The following KATNB1 variants were observed in gnomAD, a reference collection of about 807,000 sequenced individuals.
The protein encoded by KATNB1 is katanin regulatory subunit B1.
Under a neutral mutation model 82.3 loss-of-function variants are expected in KATNB1, and 38 were observed. The ratio of observed to expected loss-of-function variants is 0.46; its 90% CI spans 0.36 to 0.61. The LOEUF (loss-of-function observed/expected upper bound fraction) is 0.61, where lower values mean the gene tolerates loss of function less well. Ranked by LOEUF, KATNB1 falls within the 20% of genes least tolerant of loss-of-function variation. KATNB1 has a pLI of 0.00. For missense variants in KATNB1, 749 were observed against 915.7 expected (o/e 0.82, Z 2.35); for synonymous variants, 361 against 368.7 (o/e 0.98, Z 0.24).
chr16:57,740,707 G>A (rs1024722322), intron 2 of KATNB1, among the ~76,000 whole-genome samples: 4 of 152,176 alleles, frequency 2.6e-5, no homozygotes, highest in East Asian at 1.9e-4. Context: ...GGAGTCCTCC[G>A]AGGCTCCTGT....
intron 2 of KATNB1, among the ~76,000 whole-genome samples, chr16:57,737,730 G>A (rs1366702241): frequency 2.0e-5 from 3 of 152,104 alleles, no homozygotes; most frequent in Non-Finnish European, 4.4e-5. Context: ...GAGGAGGGGC[G>A]GGCAGAGGGA....
At position 57,755,257 on chromosome 16, in the gene KATNB1, C is replaced by A. The variant is rs782816760; in HGVS notation, c.1416+19C>A. On this transcript the variant is annotated intron_variant, in intron 15 of 19. Coordinates refer to ENST00000379661, the MANE Select transcript of KATNB1 (RefSeq NM_005886.3). ...CCTGCCCGTGAGTAGGAGCCCAGCT[C>A]GAGGCATGGGTGGAGGTCTGTGGGT... 1 of 1,610,428 alleles carries A rather than the reference C, an allele frequency of 6.2e-7. No homozygotes were observed. The highest frequency in any genetic ancestry group is 1.7e-5 in the Admixed American group (1 of 59,996).
chr16:57,755,026 G>A, intron 14 of KATNB1, 29 bp downstream of exon 14: 1 of 1,613,844 alleles, frequency 6.2e-7, no homozygotes, highest in Non-Finnish European at 8.5e-7. Context: ...CATGGTGTGG[G>A]GCCTAGAGAA....
In KATNB1 at chr16:57,752,514, T is replaced by A. The variant is rs2049236591; in HGVS notation, c.633-16T>A. 6.4e-7 allele frequency: 1 copy of A among 1,557,652 alleles called. No individual in the cohort carries two copies. Among genetic ancestry groups the A allele is most frequent in the African/African-American group, 1.4e-5 (1 of 73,984 alleles). ...TGAGGGATAGGCTTCGCAGCACAGC[T>A]TGGCTGCCTTTGCAGGACAATCCGC... On this transcript the variant is annotated splice_polypyrimidine_tract_variant and intron_variant, in intron 8 of 19. Coordinates refer to ENST00000379661, the MANE Select transcript of KATNB1 (RefSeq NM_005886.3).
rs1227587687 is a variant in KATNB1 at position 57,751,906 on chromosome 16, G to C, written c.517-34G>C. 1 of 1,553,910 alleles carries C rather than the reference G, an allele frequency of 6.4e-7. No homozygotes were observed. The highest frequency in any genetic ancestry group is 1.7e-5 in the Admixed American group (1 of 59,382). ...GGGAGGGTGGGCAGCCAAGATGCCT[G>C]GTCACCCTGACCTCCTCCCTGCCCT... is the stretch of plus-strand genomic sequence containing the variant. On this transcript the variant is annotated intron_variant, in intron 7 of 19. Transcript: ENST00000379661. This position sits in a 1 kb window ranked among gnomAD's most constrained non-coding sequence, Gnocchi z 6.3.
chr16:57,747,034 A>G (rs111812046), intron 4 of KATNB1, among the ~76,000 whole-genome samples: 26 of 151,412 alleles, frequency 1.7e-4, no homozygotes, highest in African/African-American at 4.4e-4. Flanking sequence ...GGCACGGACC[A>G]CCATGTCCCG....
rs184596776 is a variant in KATNB1 at position 57,751,574 on chromosome 16, G to C, written c.433-67G>C. 175 of 1,417,340 alleles carry C rather than the reference G, an allele frequency of 1.2e-4. 1 individual carries two copies. Among genetic ancestry groups the C allele is most frequent in the African/African-American group, 1.1e-3 (76 of 71,286 alleles). The allele number at this position is 1,417,340 out of a possible 1,614,324, so 87.8% of individuals were successfully genotyped here. A position where few individuals can be genotyped will look rare whatever the true frequency, so the allele number is the denominator to read the frequency against. ...TAGATGGAAGGGGTCCCATAGGAGT[G>C]AGGAGGCAGGGAGAGGTCTGTTGGG... On this transcript the variant is annotated intron_variant, in intron 6 of 19. Coordinates refer to ENST00000379661, the MANE Select transcript of KATNB1 (RefSeq NM_005886.3). This position sits in a 1 kb window ranked among gnomAD's most constrained non-coding sequence, Gnocchi z 6.3.
intron 2 of KATNB1, among the ~76,000 whole-genome samples, chr16:57,739,294 G>A (rs935657040): frequency 8.6e-4 from 131 of 152,212 alleles, no homozygotes; most frequent in Non-Finnish European, 1.5e-3. Flanking sequence ...CCAGGGCCAC[G>A]TGACCTCTGG....
At chr16:57,746,292 T>C (rs1242774037) in intron 4 of KATNB1, among the ~76,000 whole-genome samples, 1 of 152,244 alleles carries the variant, frequency 6.6e-6, no homozygotes. Flanking sequence ...CCGGTGTTGT[T>C]CTGATCCCAG....
chr16:57,751,352 G>A lies in KATNB1; in HGVS notation c.432+50G>A. 1 of 1,556,458 alleles carries A rather than the reference G, an allele frequency of 6.4e-7. No individual in the cohort carries two copies. The highest frequency in any genetic ancestry group is 8.9e-7 in the Non-Finnish European group (1 of 1,127,644). The stretch of plus-strand genomic sequence containing the variant: ...TCCATGAGCACCTTGCGGGCATTGA[G>A]TGTGGTGTGGTGCCCAGACCCCAGC... On this transcript the variant is annotated intron_variant, in intron 6 of 19. Transcript: ENST00000379661. The surrounding 1 kb of genome is among the most constrained non-coding windows in gnomAD (Gnocchi z 6.3).
chr16:57,752,165 G>C (rs1025030751), intron 8 of KATNB1, 110 bp downstream of exon 8: 2 of 751,492 alleles, frequency 2.7e-6, no homozygotes. Flanking sequence ...TCATACGTCT[G>C]ATGATCCTGT....
At position 57,753,536 on chromosome 16, in the gene KATNB1, G is replaced by GC. The variant is rs2049249284; in HGVS notation, c.1177+22dup. The GC allele has an allele frequency of 6.2e-7, 1 of 1,611,232 alleles. No homozygotes were observed. Among genetic ancestry groups the GC allele is most frequent in the Non-Finnish European group, 8.5e-7 (1 of 1,178,802 alleles). On this transcript the variant is annotated intron_variant, in intron 12 of 19. Coordinates refer to ENST00000379661, the MANE Select transcript of KATNB1 (RefSeq NM_005886.3). ...ACAGCATCAGTGAGGCCGGGCTCCC[G>GC]CCCCCAGCCCAGCGTCCCCATCGGT...
At chr16:57,740,338 C>T (rs2049132813) in intron 2 of KATNB1, among the ~76,000 whole-genome samples, 1 of 152,162 alleles carries the variant, frequency 6.6e-6, no homozygotes, top group African/African-American at 2.4e-5. Context: ...GCGACTTGTC[C>T]CCTGGGTATT....
rs1597828337 is a variant in KATNB1, at chr16:57,750,733, C to A, written c.290-94C>A. 3 of 910,488 alleles carry A rather than the reference C, an allele frequency of 3.3e-6. No homozygotes were observed. The East Asian group carries it at 7.3e-5, about 22-fold the overall frequency. 56.4% of individuals were successfully genotyped at this position (910,488 alleles called of 1,614,324 possible). On this transcript the variant is annotated intron_variant, in intron 4 of 19. Coordinates refer to ENST00000379661, the MANE Select transcript of KATNB1 (RefSeq NM_005886.3). ...TGTTCTATTTTTCTGTGCAGCTAAT[C>A]CAAAAGCGCACACACAAATGCCCAC...
At chr16:57,754,322 C>T (rs374884377) in intron 13 of KATNB1, among the ~76,000 whole-genome samples, 6 of 152,228 alleles carry the variant, frequency 3.9e-5, no homozygotes, top group Admixed American at 6.5e-5. Context: ...CTGCTGTAGA[C>T]GGGATGATCG....
intron 2 of KATNB1, 127 bp downstream of exon 2, chr16:57,737,410 G>C (rs1030603709): frequency 4.9e-6 from 5 of 1,010,272 alleles, no homozygotes; most frequent in Non-Finnish European, 7.5e-6. Context: ...TTGGGAGTAA[G>C]ATAGACCATT....
chr16:57,756,582 G>A, intron 19 of KATNB1, 110 bp downstream of exon 19: 1 of 1,203,418 alleles, frequency 8.3e-7, no homozygotes, highest in Non-Finnish European at 1.2e-6. Flanking sequence ...AGAGTACAGA[G>A]GAGGCGTTGG....
chr16:57,740,282 C>T (rs551919854), intron 2 of KATNB1, among the ~76,000 whole-genome samples: 49 of 152,338 alleles, frequency 3.2e-4, no homozygotes, highest in African/African-American at 1.2e-3. Flanking sequence ...GCTGGCTCTG[C>T]CCCGACCGGC....
chr16:57,739,603 G>C (rs1385920422), intron 2 of KATNB1, among the ~76,000 whole-genome samples: 2 of 152,186 alleles, frequency 1.3e-5, no homozygotes, highest in Non-Finnish European at 2.9e-5. Context: ...TTGGGGTGGT[G>C]CCCCGTGCCT....
Sources: allele counts gnomAD v4.1 joint callset (sites outside exome capture counted in the v4.1 genomes callset), GRCh38; gene constraint gnomAD v4.1.1; non-coding constraint Gnocchi (gnomAD v3.1); transcripts MANE v1.5; gene names NCBI Gene and HGNC (gene_info 2026-07-23, HGNC 2026-07-21).